DENND1A: variants seen among roughly 807,000 people sequenced by gnomAD.
The protein encoded by DENND1A is DENN domain containing 1A.
DENND1A carries 51 observed loss-of-function variants against 113.7 expected under a neutral mutation model. The ratio of observed to expected loss-of-function variants is 0.45; its 90% CI spans 0.36 to 0.57. The LOEUF (loss-of-function observed/expected upper bound fraction) is 0.57. Ranked by LOEUF, DENND1A falls within the 20% of genes least tolerant of loss-of-function variation. The pLI is 0.00. For missense variants in DENND1A, 1,258 were observed against 1,395.9 expected (o/e 0.90, Z 1.57); for synonymous variants, 565 against 570.8 (o/e 0.99, Z 0.14).
chr9:123,531,138 C>A (rs1443006465), intron 13 of DENND1A, among the ~76,000 whole-genome samples: 2 of 152,052 alleles, frequency 1.3e-5, no homozygotes, highest in Admixed American at 1.3e-4. Flanking sequence ...CTGGGTTAGA[C>A]TTCCAAAAAA....
intron 13 of DENND1A, among the ~76,000 whole-genome samples, chr9:123,468,253 G>A (rs2049117038): frequency 6.6e-6 from 1 of 152,180 alleles, no homozygotes; most frequent in South Asian, 2.1e-4. Flanking sequence ...TGCCTCCGGG[G>A]ACTGCTGGGG....
At chr9:123,434,876 G>A (rs923717309) in intron 19 of DENND1A, among the ~76,000 whole-genome samples, 8 of 152,164 alleles carry the variant, frequency 5.3e-5, no homozygotes, top group African/African-American at 1.9e-4. Context: ...GGCCACATGG[G>A]GACTACAGGG....
rs117459405 is a variant in DENND1A, at chr9:123,921,614, T to C, written c.17+8275A>G. ...AAATCTACCATGAACAGATTTGCCT[T>C]CAGCAATTTAGTCCAGCCCACTTCA... On this transcript the variant is annotated intron_variant, in intron 1 of 23. Transcript: ENST00000394215. Among the ~76,000 whole-genome samples, 422 of 152,336 alleles carry C rather than the reference T, an allele frequency of 2.8e-3. 2 individuals are homozygous for C. Among genetic ancestry groups the C allele is most frequent in the Non-Finnish European group, 4.7e-3 (320 of 68,028 alleles).
intron 12 of DENND1A, among the ~76,000 whole-genome samples, chr9:123,563,067 T>C (rs1177145873): frequency 6.6e-6 from 1 of 152,180 alleles, no homozygotes; most frequent in Non-Finnish European, 1.5e-5. Context: ...TAGAAGAAAC[T>C]GGTCTCTGTT....
chr9:123,635,866 C>A (rs755249357), intron 9 of DENND1A, among the ~76,000 whole-genome samples: 1 of 152,180 alleles, frequency 6.6e-6, no homozygotes, highest in South Asian at 2.1e-4. Context: ...GAGTCTTCTG[C>A]TAACTTTTTG....
chr9:123,658,020 C>T (rs985007010), intron 8 of DENND1A, among the ~76,000 whole-genome samples: 5 of 152,080 alleles, frequency 3.3e-5, no homozygotes, highest in African/African-American at 1.2e-4. Context: ...TCTCTATAAT[C>T]GCAGTTCTTG....
intron 12 of DENND1A, among the ~76,000 whole-genome samples, chr9:123,581,784 C>A (rs2058910052): frequency 6.6e-6 from 1 of 152,188 alleles, no homozygotes; most frequent in Admixed American, 6.5e-5. Flanking sequence ...CATATGAGCA[C>A]CACATGGCCA....
At chr9:123,883,585 AC>A (rs1181210645) in intron 1 of DENND1A, among the ~76,000 whole-genome samples, 1 of 152,206 alleles carries the variant, frequency 6.6e-6, no homozygotes, top group Non-Finnish European at 1.5e-5. Context: ...TTTAAGAACT[AC>A]CAGTTAAGTA....
At chr9:123,404,035 G>T (rs1290246398) in intron 20 of DENND1A, among the ~76,000 whole-genome samples, 1 of 152,192 alleles carries the variant, frequency 6.6e-6, no homozygotes, top group Non-Finnish European at 1.5e-5. Flanking sequence ...GCTTCCCAGA[G>T]CATCCCTGTG....
chr9:123,905,868 C>T (rs919116522), intron 1 of DENND1A, among the ~76,000 whole-genome samples: 3 of 151,410 alleles, frequency 2.0e-5, no homozygotes, highest in Middle Eastern at 3.2e-3. Flanking sequence ...TAATAGACAT[C>T]TACAGAACTC....
intron 19 of DENND1A, among the ~76,000 whole-genome samples, chr9:123,429,370 A>G (rs923823296): frequency 6.6e-6 from 1 of 152,222 alleles, no homozygotes; most frequent in Non-Finnish European, 1.5e-5. Flanking sequence ...AGCCTGGCTA[A>G]CATGGTGAAA....
At chr9:123,903,664 C>A (rs1042571015) in intron 1 of DENND1A, among the ~76,000 whole-genome samples, 4 of 152,140 alleles carry the variant, frequency 2.6e-5, no homozygotes, top group African/African-American at 9.7e-5. Context: ...CTTTTCGGAC[C>A]GGCTTAAAAA....
At chr9:123,503,894 G>A (rs925617964) in intron 13 of DENND1A, among the ~76,000 whole-genome samples, 3 of 152,134 alleles carry the variant, frequency 2.0e-5, no homozygotes, top group South Asian at 2.1e-4. Context: ...GGGTCCTGTC[G>A]GGTCTTTATC....
intron 19 of DENND1A, among the ~76,000 whole-genome samples, chr9:123,420,380 T>G (rs2045159687): frequency 6.6e-6 from 1 of 152,182 alleles, no homozygotes; most frequent in African/African-American, 2.4e-5. Context: ...GTGAGGTTTC[T>G]GGGTGCCCCA....
At chr9:123,520,402 G>A (rs1029751666) in intron 13 of DENND1A, among the ~76,000 whole-genome samples, 218 of 152,248 alleles carry the variant, frequency 1.4e-3, no homozygotes, top group African/African-American at 5.0e-3. Flanking sequence ...GCAGTGAGCC[G>A]AGATCGTGTC....
At chr9:123,458,591 T>C (rs150520785) in intron 13 of DENND1A, among the ~76,000 whole-genome samples, 1,571 of 152,316 alleles carry the variant, frequency 0.01, 12 homozygotes, top group Non-Finnish European at 0.016. Context: ...TGCCCTCCAA[T>C]GTGAAGATTT....
Position 123,727,517 on chromosome 9 carries a change from A to G in DENND1A, c.302+30186T>C, listed in dbSNP as rs2067794736. 2.6e-5 allele frequency among the ~76,000 whole-genome samples: 4 copies of G among 152,354 alleles called. No individual in the cohort carries two copies. In the South Asian group the frequency reaches 8.3e-4, roughly 32 times the overall value. On this transcript the variant is annotated intron_variant, in intron 5 of 23. Transcript: ENST00000394215. ...CTTTGAAGCTACTTGCTTTGACATC[A>G]TAATTACAAAATGGTGCAAGGGCTG...
At chr9:123,750,469 G>A (rs1159828836) in intron 5 of DENND1A, among the ~76,000 whole-genome samples, 1 of 152,100 alleles carries the variant, frequency 6.6e-6, no homozygotes, top group Non-Finnish European at 1.5e-5. Context: ...AAGGGCCCTG[G>A]GCCTAGGAAA....
chr9:123,557,124 G>T (rs1313749874), intron 13 of DENND1A, among the ~76,000 whole-genome samples: 1 of 152,244 alleles, frequency 6.6e-6, no homozygotes, highest in East Asian at 1.9e-4. Flanking sequence ...AAGAACAGGG[G>T]TGGCGAGGCC....
Sources: allele counts gnomAD v4.1 joint callset (sites outside exome capture counted in the v4.1 genomes callset), GRCh38; gene constraint gnomAD v4.1.1; transcripts MANE v1.5; gene names NCBI Gene and HGNC (gene_info 2026-07-23, HGNC 2026-07-21).